Variants in FEZ2 observed in about 807,000 individuals in gnomAD.
FEZ2 encodes the protein fasciculation and elongation protein zeta 2.
In FEZ2, 51 loss-of-function variants were observed where a neutral mutation model predicts 40.4. The ratio of observed to expected loss-of-function variants is 1.26; its 90% CI spans 1.01 to 1.59. The LOEUF (loss-of-function observed/expected upper bound fraction) is 1.59. Ranked by LOEUF, FEZ2 falls within the 40% of genes most tolerant of loss-of-function variation. The pLI is 0.00. For missense variants in FEZ2, 640 were observed against 438.3 expected (o/e 1.46, Z -4.11); for synonymous variants, 242 against 172.0 (o/e 1.41, Z -3.18).
At chr2:36,593,905 C>T (rs1288169751) in intron 1 of FEZ2, among the ~76,000 whole-genome samples, 1 of 151,636 alleles carries the variant, frequency 6.6e-6, no homozygotes, top group Non-Finnish European at 1.5e-5. Context: ...TGCTCTGCTT[C>T]CCTTATAAAA....
chr2:36,591,976 A>G (rs577999305), intron 1 of FEZ2, among the ~76,000 whole-genome samples: 1 of 152,304 alleles, frequency 6.6e-6, no homozygotes, highest in African/African-American at 2.4e-5. Flanking sequence ...CAAATTTCAC[A>G]ACCAAAATTC....
intron 5 of FEZ2, among the ~76,000 whole-genome samples, chr2:36,563,684 C>A (rs1198408877): frequency 1.3e-5 from 2 of 152,130 alleles, no homozygotes; most frequent in Non-Finnish European, 2.9e-5. Context: ...TGACAGCATC[C>A]CGAAATTCTC....
rs553309363 is a variant in FEZ2 at position 36,591,165 on chromosome 2, C to T, written c.267-154G>A. On this transcript the variant is annotated intron_variant, in intron 1 of 7. Transcript: ENST00000405912. Reference sequence around the variant, plus strand: ...CAGAAAAACATCAACAAAGTAGAGTCTCCTAAACAAAAACGAGGTGAAAAA... The same window carrying T: ...CAGAAAAACATCAACAAAGTAGAGTTTCCTAAACAAAAACGAGGTGAAAAA... The T allele has an allele frequency of 6.0e-5, 37 of 615,318 alleles. No homozygotes were observed. In the East Asian group the frequency reaches 9.7e-4, roughly 16 times the overall value. The allele number at this position is 615,318 out of a possible 1,614,324, so 38.1% of individuals were successfully genotyped here. A position where few individuals can be genotyped will look rare whatever the true frequency, so the allele number is the denominator to read the frequency against.
At chr2:36,577,457 A>C (rs1388340580) in intron 5 of FEZ2, among the ~76,000 whole-genome samples, 2 of 152,128 alleles carry the variant, frequency 1.3e-5, no homozygotes, top group African/African-American at 4.8e-5. Flanking sequence ...GGGTTTCTCC[A>C]TGTTGAGGCT....
intron 7 of FEZ2, 131 bp downstream of exon 7, chr2:36,555,552 C>A: frequency 2.0e-6 from 1 of 504,546 alleles, no homozygotes; most frequent in East Asian, 3.2e-5. Context: ...GTAGCTAATC[C>A]TCACCCTGCA....
At position 36,552,866 on chromosome 2, in the gene FEZ2, C is replaced by A. The variant is rs1667853233; in HGVS notation, c.*297G>T. On this transcript the variant is annotated 3_prime_UTR_variant, in exon 8 of 8. Transcript: ENST00000405912. ...CCATAAAAACAAATGGGCATACTGT[C>A]AGTTAATGAGAAATACAACTGCACA... 2 of 344,778 alleles carry A rather than the reference C, an allele frequency of 5.8e-6. No individual in the cohort carries two copies. Among genetic ancestry groups the A allele is most frequent in the Non-Finnish European group, 1.0e-5 (2 of 191,738 alleles). The allele number at this position is 344,778 out of a possible 1,614,324, so 21.4% of individuals were successfully genotyped here.
chr2:36,592,723 G>T (rs1053352125), intron 1 of FEZ2, among the ~76,000 whole-genome samples: 4 of 152,070 alleles, frequency 2.6e-5, no homozygotes, highest in Admixed American at 6.6e-5. Context: ...GGTAAGGCAG[G>T]AGGACTGCTT....
At chr2:36,591,212 A>G in intron 1 of FEZ2, 1 of 576,528 alleles carries the variant, frequency 1.7e-6, no homozygotes, top group Non-Finnish European at 3.1e-6. Flanking sequence ...GGCTGACAAG[A>G]AGTCCTAAGG....
chr2:36,578,802 T>G lies in FEZ2; in HGVS notation c.698A>C (p.Lys233Thr). ...EILEEIETAI[K>T]EYSEELVQQL... ...CTGCACCAGCTCCTCAGAGTACTCC[T>G]TAATGGCAGTCTCAATTTCTTCCAG... Residue 233 changes from lysine (K) to threonine (T), a missense_variant, in exon 5 of 8, where the codon AAG (lysine) becomes ACG (threonine). Coordinates refer to ENST00000405912, the MANE Select transcript of FEZ2 (RefSeq NM_005102.3). The G allele has an allele frequency of 6.2e-7, 1 of 1,613,678 alleles. No homozygotes were observed. The highest frequency in any genetic ancestry group is 1.1e-5 in the South Asian group (1 of 90,928).
chr2:36,558,449 A>G lies in FEZ2; in HGVS notation c.968T>C (p.Ile323Thr). 1 of 1,524,868 alleles carries G rather than the reference A, an allele frequency of 6.6e-7. No individual in the cohort carries two copies. Among genetic ancestry groups the G allele is most frequent in the South Asian group, 1.3e-5 (1 of 79,678 alleles). 94.5% of individuals were successfully genotyped at this position (1,524,868 alleles called of 1,614,324 possible). ...NGPPSVEDLQILTKILRAMKE... is the reference protein window; with the variant it reads ...NGPPSVEDLQTLTKILRAMKE... ...TTGTCTTTGCTCACTTTTTGTTAATATTTGAAGATCTTCAACAGACGGTGG... is the reference window on the plus strand; with the variant it reads ...TTGTCTTTGCTCACTTTTTGTTAATGTTTGAAGATCTTCAACAGACGGTGG... Residue 323 changes from isoleucine to threonine, a missense_variant, in exon 6 of 8, where the codon ATA becomes ACA. Ile to Thr is a moderately conservative substitution (Grantham distance 89). Coordinates refer to ENST00000405912, the MANE Select transcript of FEZ2 (RefSeq NM_005102.3).
chr2:36,567,678 C>T (rs1304337773), intron 5 of FEZ2, among the ~76,000 whole-genome samples: 2 of 151,800 alleles, frequency 1.3e-5, no homozygotes, highest in Non-Finnish European at 2.9e-5. Context: ...AGGAGAATCA[C>T]TTGAACCCGG....
intron 1 of FEZ2, among the ~76,000 whole-genome samples, chr2:36,592,680 T>C (rs1036883154): frequency 3.3e-5 from 5 of 149,870 alleles, no homozygotes; most frequent in Admixed American, 2.0e-4. Flanking sequence ...GCCAGGCCTG[T>C]GGCATGTGCC....
At chr2:36,574,443 C>T (rs183661178) in intron 5 of FEZ2, among the ~76,000 whole-genome samples, 2 of 152,000 alleles carry the variant, frequency 1.3e-5, no homozygotes, top group African/African-American at 2.4e-5. Flanking sequence ...AGTTAAATTT[C>T]TTATCATTAG....
At chr2:36,553,304 T>A (rs1200939019) in intron 7 of FEZ2, 125 bp from the exon 8 acceptor site, 9 of 727,684 alleles carry the variant, frequency 1.2e-5, no homozygotes, top group East Asian at 5.5e-5. Context: ...TGCAAAGATC[T>A]ATGTAGCAAT....
intron 5 of FEZ2, among the ~76,000 whole-genome samples, chr2:36,574,225 G>C (rs1438164962): frequency 6.6e-6 from 1 of 152,072 alleles, no homozygotes; most frequent in Non-Finnish European, 1.5e-5. Flanking sequence ...TCTGTATGTA[G>C]GACGAAGATT....
intron 4 of FEZ2, among the ~76,000 whole-genome samples, chr2:36,580,926 G>A (rs1668720239): frequency 6.6e-6 from 1 of 152,162 alleles, no homozygotes; most frequent in Admixed American, 6.5e-5. Flanking sequence ...GGCTAAGGCG[G>A]GCGGATCATG....
intron 5 of FEZ2, among the ~76,000 whole-genome samples, chr2:36,568,591 T>C (rs770753980): frequency 2.6e-5 from 4 of 152,172 alleles, no homozygotes; most frequent in Non-Finnish European, 5.9e-5. Flanking sequence ...AAGGAGTTAA[T>C]AGTGCTATAA....
At position 36,559,939 on chromosome 2, in the gene FEZ2, C is replaced by T. The variant is rs147164640; in HGVS notation, c.904-1426G>A. On this transcript the variant is annotated intron_variant, in intron 5 of 7. Coordinates refer to ENST00000405912, the MANE Select transcript of FEZ2 (RefSeq NM_005102.3). The stretch of plus-strand genomic sequence containing the variant: ...TCTTTAATAGGAATGATCTCCCTTC[C>T]GGAGAAACACTTAACTACCTGCAGT... 2.0e-3 allele frequency among the ~76,000 whole-genome samples: 306 copies of T among 152,322 alleles called. 1 individual carries two copies. Among genetic ancestry groups the T allele is most frequent in the African/African-American group, 7.1e-3 (294 of 41,578 alleles).
intron 6 of FEZ2, chr2:36,558,235 A>G (rs72868437): frequency 3.2e-4 from 119 of 366,704 alleles, no homozygotes; most frequent in African/African-American, 2.2e-3. Flanking sequence ...AAAAACAGAA[A>G]AAGTACAAAT....
Sources: gnomAD v4.1 joint callset for allele counts (sites outside exome capture counted in the v4.1 genomes callset) on GRCh38, gnomAD v4.1.1 for gene constraint, MANE v1.5 for transcripts, NCBI Gene and HGNC (gene_info 2026-07-23, HGNC 2026-07-21) for gene names.